The following MACF1 variants were observed in gnomAD, a reference collection of about 807,000 sequenced individuals.
The protein encoded by MACF1 is microtubule actin crosslinking factor 1.
Under a neutral mutation model 854.8 loss-of-function variants are expected in MACF1, and 193 were observed. That is an observed-to-expected ratio of 0.23 (90% CI 0.20 to 0.25). The LOEUF (loss-of-function observed/expected upper bound fraction) is 0.25. Among genes scored for constraint, MACF1 ranks in the 10% least tolerant of loss-of-function variants. MACF1 has a pLI of 1.00. For synonymous variants in MACF1, 3,185 were observed against 3,226.7 expected (o/e 0.99, Z 0.44); for missense variants, 7,722 against 8,929.1 (o/e 0.86, Z 5.45).
At chr1:39,123,765 C>G (rs1456719251) in intron 2 of MACF1, among the ~76,000 whole-genome samples, 1 of 145,916 alleles carries the variant, frequency 6.9e-6, no homozygotes, top group Non-Finnish European at 1.5e-5. Flanking sequence ...GTTCTGTCAC[C>G]CAGGCTGAAG....
At chr1:39,172,914 C>G (rs1458776960) in intron 2 of MACF1, among the ~76,000 whole-genome samples, 1 of 152,204 alleles carries the variant, frequency 6.6e-6, no homozygotes, top group African/African-American at 2.4e-5. Context: ...TGGCAGACAG[C>G]CCTCCTCCCT....
intron 2 of MACF1, among the ~76,000 whole-genome samples, chr1:39,194,498 C>T (rs1045619618): frequency 6.6e-6 from 1 of 150,798 alleles, no homozygotes; most frequent in African/African-American, 2.4e-5. Flanking sequence ...AGACTACAGG[C>T]ACATGCCACC....
At chr1:39,138,756 C>A (rs1472580372) in intron 2 of MACF1, among the ~76,000 whole-genome samples, 1 of 151,888 alleles carries the variant, frequency 6.6e-6, no homozygotes, top group Non-Finnish European at 1.5e-5. Context: ...CCTCCGCCTC[C>A]CAGGTTCAAG....
chr1:39,411,167 C>G, intron 58 of MACF1: 4 of 1,613,674 alleles, frequency 2.5e-6, no homozygotes, highest in Non-Finnish European at 3.4e-6. Context: ...CTGTTAGATC[C>G]AGAATTGCAT....
At chr1:39,144,894 CT>C (rs1312729723) in intron 2 of MACF1, among the ~76,000 whole-genome samples, 1 of 152,142 alleles carries the variant, frequency 6.6e-6, no homozygotes, top group Non-Finnish European at 1.5e-5. Flanking sequence ...TCACAACCTC[CT>C]TTTTTCCACT....
chr1:39,435,411 C>A, intron 69 of MACF1, 147 bp from the exon 70 acceptor site: 1 of 658,714 alleles, frequency 1.5e-6, no homozygotes, highest in Non-Finnish European at 2.6e-6. Flanking sequence ...TTTTCTGTTC[C>A]CACACAAATG....
intron 6 of MACF1, chr1:39,260,421 A>AT (rs1206516805): frequency 6.6e-6 from 1 of 150,960 alleles, no homozygotes; most frequent in East Asian, 1.9e-4. Context: ...CTGGAGTGCA[A>AT]TGGCACCATC....
intron 15 of MACF1, among the ~76,000 whole-genome samples, chr1:39,288,583 T>C (rs1188816327): frequency 6.6e-6 from 1 of 151,080 alleles, no homozygotes; most frequent in Admixed American, 6.6e-5. Context: ...GCGGATTGTG[T>C]GAGTCCAGGA....
chr1:39,086,213 GT>G lies in MACF1; in HGVS notation c.220+1776del, dbSNP rs371390518. On this transcript the variant is annotated intron_variant, in intron 2 of 93. Transcript: ENST00000361689. Reference sequence around the variant, plus strand: ...TGAATGAGTGTTTTGAGGATATTATGTGATGTGACAGACTGTGATCCAGAAA... The same window carrying G: ...TGAATGAGTGTTTTGAGGATATTATGGATGTGACAGACTGTGATCCAGAAA... Among the ~76,000 whole-genome samples the G allele has an allele frequency of 7.9e-5, 12 of 152,324 alleles. No homozygotes were observed. In the East Asian group the frequency reaches 1.7e-3, roughly 22 times the overall value.
At chr1:39,410,371 C>G (rs1281356943) in intron 58 of MACF1, 1 of 1,613,778 alleles carries the variant, frequency 6.2e-7, no homozygotes, top group African/African-American at 1.3e-5. Context: ...TGTTCCACAA[C>G]GGTCTATATA....
At chr1:39,318,233 G>A (rs554903579) in intron 29 of MACF1, among the ~76,000 whole-genome samples, 1 of 152,200 alleles carries the variant, frequency 6.6e-6, no homozygotes, top group South Asian at 2.1e-4. Context: ...CAGCATCCAG[G>A]GCTAGCAGGT....
chr1:39,449,513 C>T (rs1195340602), intron 84 of MACF1, among the ~76,000 whole-genome samples: 2 of 151,770 alleles, frequency 1.3e-5, no homozygotes, highest in Non-Finnish European at 2.9e-5. Flanking sequence ...ATTCTCCTGC[C>T]TCAGCCTCCC....
At chr1:39,477,068 T>TACACACACAC (rs1424581152) in intron 97 of MACF1, among the ~76,000 whole-genome samples, 312 of 19,472 alleles carry the variant, frequency 0.016, 11 homozygotes, top group Non-Finnish European at 0.02. Context: ...TATATATATA[T>TACACACACAC]ATATATATAT....
intron 64 of MACF1, 49 bp downstream of exon 64, chr1:39,429,375 T>C (rs746419650): frequency 1.7e-5 from 18 of 1,048,934 alleles, no homozygotes; most frequent in African/African-American, 1.6e-4. Context: ...TCAAAGACAA[T>C]TATGTACCCA....
chr1:39,169,545 G>T (rs1643918455), intron 2 of MACF1, among the ~76,000 whole-genome samples: 1 of 151,142 alleles, frequency 6.6e-6, no homozygotes, highest in Non-Finnish European at 1.5e-5. Context: ...GGTCCAGGCT[G>T]CAGTGAGCCA....
At chr1:39,279,211 A>G (rs1364117361) in intron 6 of MACF1, among the ~76,000 whole-genome samples, 2 of 152,122 alleles carry the variant, frequency 1.3e-5, no homozygotes, top group Admixed American at 6.6e-5. Flanking sequence ...TGTCCCTTGA[A>G]TCTGCTGGGT....
intron 61 of MACF1, among the ~76,000 whole-genome samples, chr1:39,426,983 CAT>C (rs1344841898): frequency 6.6e-6 from 1 of 152,098 alleles, no homozygotes; most frequent in African/African-American, 2.4e-5. Flanking sequence ...TATCTTCACT[CAT>C]AAATGAAGGT....
intron 96 of MACF1, 124 bp from the exon 97 acceptor site, chr1:39,469,423 G>C: frequency 1.4e-6 from 1 of 711,860 alleles, no homozygotes; most frequent in South Asian, 1.6e-5. Flanking sequence ...CCTTTTTCCT[G>C]TTAGCAGAGC....
chr1:39,102,912 C>T (rs764045086), intron 2 of MACF1: 1 of 702,246 alleles, frequency 1.4e-6, no homozygotes. Context: ...CTTCCCATCC[C>T]CCCTGGCAGC....
Sources: gnomAD v4.1 joint callset for allele counts (sites outside exome capture counted in the v4.1 genomes callset) on GRCh38, gnomAD v4.1.1 for gene constraint, MANE v1.5 for transcripts, NCBI Gene and HGNC (gene_info 2026-07-23, HGNC 2026-07-21) for gene names.